The following MIPOL1 variants were observed in gnomAD, a reference collection of about 807,000 sequenced individuals.
MIPOL1 encodes mirror-image polydactyly 1.
In MIPOL1, 57 loss-of-function variants were observed where a neutral mutation model predicts 60.9. The ratio of observed to expected loss-of-function variants is 0.94; its 90% CI spans 0.76 to 1.17. MIPOL1 has a LOEUF of 1.17. MIPOL1 is among the 50% of genes most tolerant of loss of function. MIPOL1 has a pLI of 0.00. For missense variants in MIPOL1, 551 were observed against 511.6 expected, an observed-to-expected ratio of 1.08 and a Z score of -0.74; for synonymous variants, 179 against 168.8, an observed-to-expected ratio of 1.06 and a Z score of -0.47.
At chr14:37,338,573 T>A (rs1250122870) in intron 9 of MIPOL1, among the ~76,000 whole-genome samples, 1 of 151,962 alleles carries the variant, frequency 6.6e-6, no homozygotes, top group African/African-American at 2.4e-5. Flanking sequence ...CATGCCCAGC[T>A]AATTTTTGTA....
chr14:37,385,706 T>C (rs2093047891), intron 10 of MIPOL1: 1 of 152,118 alleles, frequency 6.6e-6, no homozygotes, highest in Non-Finnish European at 1.5e-5. Flanking sequence ...TATACTATAA[T>C]GTAACCATTT....
At chr14:37,386,383 C>G (rs1226718424) in intron 10 of MIPOL1, among the ~76,000 whole-genome samples, 1 of 151,900 alleles carries the variant, frequency 6.6e-6, no homozygotes, top group African/African-American at 2.4e-5. Context: ...CAGTAGCAGA[C>G]ATTTCCATGA....
chr14:37,288,303 G>A (rs2084760500), intron 7 of MIPOL1, among the ~76,000 whole-genome samples: 1 of 151,996 alleles, frequency 6.6e-6, no homozygotes, highest in Admixed American at 6.6e-5. Context: ...CACGGCACCT[G>A]GCCAGGAGTG....
intron 11 of MIPOL1, among the ~76,000 whole-genome samples, chr14:37,445,164 T>C (rs1162738735): frequency 6.6e-6 from 1 of 152,116 alleles, no homozygotes; most frequent in Non-Finnish European, 1.5e-5. Context: ...CATGATTGTA[T>C]ATCTAGAAAA....
At chr14:37,205,612 C>A (rs878977710) in intron 1 of MIPOL1, among the ~76,000 whole-genome samples, 1 of 152,062 alleles carries the variant, frequency 6.6e-6, no homozygotes, top group South Asian at 2.1e-4. Flanking sequence ...AATGCTGTCC[C>A]CCGCCAGCTC....
At chr14:37,518,922 A>T (rs2095391684) in intron 12 of MIPOL1, among the ~76,000 whole-genome samples, 1 of 57,372 alleles carries the variant, frequency 1.7e-5, no homozygotes, top group Non-Finnish European at 3.1e-5. Flanking sequence ...TGAATCAAAA[A>T]ATAAACTCTT....
chr14:37,477,718 G>T (rs191792907), intron 11 of MIPOL1, among the ~76,000 whole-genome samples: 1 of 152,238 alleles, frequency 6.6e-6, no homozygotes, highest in East Asian at 1.9e-4. Context: ...AAGAGAAAAA[G>T]ACCCTCCCAG....
At chr14:37,373,867 A>T (rs2092706149) in intron 10 of MIPOL1, among the ~76,000 whole-genome samples, 1 of 152,214 alleles carries the variant, frequency 6.6e-6, no homozygotes. Context: ...TCTTTATAGT[A>T]GAATGATTTA....
At chr14:37,412,928 G>C (rs1049468739) in intron 10 of MIPOL1, among the ~76,000 whole-genome samples, 1 of 152,018 alleles carries the variant, frequency 6.6e-6, no homozygotes, top group Admixed American at 6.6e-5. Flanking sequence ...AATTAAAATG[G>C]GGCTTGAAGG....
intron 7 of MIPOL1, among the ~76,000 whole-genome samples, chr14:37,287,778 T>C (rs1454422252): frequency 6.6e-6 from 1 of 152,132 alleles, no homozygotes; most frequent in Non-Finnish European, 1.5e-5. Flanking sequence ...TCTTTTTCTT[T>C]TATTTAATCT....
chr14:37,452,736 A>G (rs2094436837), intron 11 of MIPOL1, among the ~76,000 whole-genome samples: 1 of 152,200 alleles, frequency 6.6e-6, no homozygotes, highest in Non-Finnish European at 1.5e-5. Flanking sequence ...ATCCATGAAA[A>G]ATAACTTAGG....
At chr14:37,395,747 A>G (rs2093359240) in intron 10 of MIPOL1, among the ~76,000 whole-genome samples, 1 of 152,076 alleles carries the variant, frequency 6.6e-6, no homozygotes, top group Admixed American at 6.6e-5. Flanking sequence ...TGTGCCCTTG[A>G]TTTCTTTCTC....
At chr14:37,475,425 T>C (rs2094756110) in intron 11 of MIPOL1, among the ~76,000 whole-genome samples, 1 of 152,218 alleles carries the variant, frequency 6.6e-6, no homozygotes, top group African/African-American at 2.4e-5. Flanking sequence ...TTACTTTTAA[T>C]GATGTCCAAC....
intron 1 of MIPOL1, among the ~76,000 whole-genome samples, chr14:37,240,081 C>T (rs1306172638): frequency 2.0e-5 from 3 of 152,120 alleles, no homozygotes; most frequent in Non-Finnish European, 4.4e-5. Context: ...GTGTAGTGTG[C>T]AATTATGGCT....
At chr14:37,310,322 G>T (rs996531221) in intron 9 of MIPOL1, among the ~76,000 whole-genome samples, 1 of 151,956 alleles carries the variant, frequency 6.6e-6, no homozygotes, top group African/African-American at 2.4e-5. Context: ...GTGTTGCCTG[G>T]CAACTTCTTG....
intron 9 of MIPOL1, among the ~76,000 whole-genome samples, chr14:37,330,398 G>C (rs906062570): frequency 2.0e-5 from 3 of 151,956 alleles, no homozygotes; most frequent in African/African-American, 7.2e-5. Flanking sequence ...CTAAACACCT[G>C]GAAGCTAGGA....
At chr14:37,288,036 T>C (rs973055474) in intron 7 of MIPOL1, among the ~76,000 whole-genome samples, 5 of 152,212 alleles carry the variant, frequency 3.3e-5, no homozygotes, top group East Asian at 1.9e-4. Flanking sequence ...AGAGAGTTTA[T>C]TGGGGCCAAG....
intron 1 of MIPOL1, among the ~76,000 whole-genome samples, chr14:37,215,551 G>A (rs576759383): frequency 6.6e-6 from 1 of 152,216 alleles, no homozygotes; most frequent in East Asian, 1.9e-4. Flanking sequence ...TTCACTAGAG[G>A]AAGACAGGAT....
chr14:37,475,672 A>G (rs145269154), intron 11 of MIPOL1, among the ~76,000 whole-genome samples: 1 of 152,218 alleles, frequency 6.6e-6, no homozygotes, highest in African/African-American at 2.4e-5. Context: ...TTTGTTGAAA[A>G]AAAAAGAAAC....
Sources: allele counts gnomAD v4.1 joint callset (sites outside exome capture counted in the v4.1 genomes callset), GRCh38; gene constraint gnomAD v4.1.1; transcripts MANE v1.5; gene names NCBI Gene and HGNC (gene_info 2026-07-23, HGNC 2026-07-21).